The following NDC80 variants were observed in gnomAD, a reference collection of about 807,000 sequenced individuals.
The protein encoded by NDC80 is NDC80 kinetochore complex component, also known as kinetochore protein NDC80 homolog.
NDC80 carries 69 observed loss-of-function variants against 89.3 expected under a neutral mutation model. The observed-to-expected ratio is 0.77, with a 90% confidence interval of 0.64 to 0.94. The LOEUF (loss-of-function observed/expected upper bound fraction) is 0.94. Among genes scored for constraint, NDC80 ranks in the 40% least tolerant of loss-of-function variants. The probability of loss-of-function intolerance (pLI) is 0.00; values close to 1 mark genes in which losing one functional copy is unlikely to be tolerated. For synonymous variants in NDC80, 243 were observed against 255.6 expected (o/e 0.95, Z 0.47); for missense variants, 593 against 739.6 (o/e 0.80, Z 2.30).
intron 15 of NDC80, among the ~76,000 whole-genome samples, chr18:2,609,228 G>C (rs995530786): frequency 6.6e-6 from 1 of 151,978 alleles, no homozygotes; most frequent in African/African-American, 2.4e-5. Context: ...ATATTATATA[G>C]TAAAATGTAA....
intron 6 of NDC80, among the ~76,000 whole-genome samples, chr18:2,580,812 G>A (rs1465043191): frequency 1.5e-5 from 2 of 130,608 alleles, no homozygotes; most frequent in Non-Finnish European, 3.1e-5. Flanking sequence ...CACAATCTCG[G>A]CTCACTGCAA....
At chr18:2,611,147 C>A (rs1332015396) in intron 16 of NDC80, among the ~76,000 whole-genome samples, 2 of 147,272 alleles carry the variant, frequency 1.4e-5, no homozygotes, top group African/African-American at 5.0e-5. Flanking sequence ...CTCCCAGGTT[C>A]AAATGATTCT....
chr18:2,579,337 C>T (rs1369485603), intron 6 of NDC80: 2 of 244,326 alleles, frequency 8.2e-6, no homozygotes, highest in African/African-American at 2.2e-5. Context: ...AATCCATATT[C>T]ACTGCAAGAA....
intron 10 of NDC80, among the ~76,000 whole-genome samples, 187 bp from the exon 11 acceptor site, chr18:2,595,229 T>TTATGTATATA (rs142641390): frequency 6.8e-6 from 1 of 146,600 alleles, no homozygotes; most frequent in East Asian, 2.0e-4. Context: ...ACTTTGAAAT[T>TTATGTATATA]TATATATATA....
At chr18:2,608,921 T>A in intron 15 of NDC80, 91 bp downstream of exon 15, 1 of 1,376,116 alleles carries the variant, frequency 7.3e-7, no homozygotes, top group Non-Finnish European at 9.9e-7. Flanking sequence ...TTTGCTTTAA[T>A]TTATAGTATA....
At chr18:2,592,646 A>C (rs1188719690) in intron 10 of NDC80, among the ~76,000 whole-genome samples, 22 of 152,096 alleles carry the variant, frequency 1.4e-4, no homozygotes, top group Non-Finnish European at 2.8e-4. Context: ...GGCATGAGCC[A>C]CCACACCCAG....
chr18:2,612,630 A>C (rs2072751664), intron 16 of NDC80, among the ~76,000 whole-genome samples: 1 of 152,064 alleles, frequency 6.6e-6, no homozygotes, highest in African/African-American at 2.4e-5. Context: ...GTCCTTTGTT[A>C]ATTCAGTAGT....
chr18:2,579,559 C>G (rs923297653), intron 6 of NDC80, among the ~76,000 whole-genome samples: 2 of 152,136 alleles, frequency 1.3e-5, no homozygotes, highest in Non-Finnish European at 2.9e-5. Flanking sequence ...TCCTGAGTAG[C>G]TGGGATTACA....
At chr18:2,575,093 T>C (rs368352960) in intron 3 of NDC80, 27 bp downstream of exon 3, 10 of 1,509,548 alleles carry the variant, frequency 6.6e-6, no homozygotes, top group Non-Finnish European at 9.2e-6. Context: ...TTAGCTCTAA[T>C]AAAGGGATTC....
At chr18:2,604,595 T>A (rs144518824) in intron 13 of NDC80, among the ~76,000 whole-genome samples, 1 of 152,286 alleles carries the variant, frequency 6.6e-6, no homozygotes, top group East Asian at 1.9e-4. Context: ...GGTGGGAGAT[T>A]GCTTGAGCCC....
chr18:2,609,971 A>G, intron 15 of NDC80, among the ~76,000 whole-genome samples: 1 of 152,202 alleles, frequency 6.6e-6, no homozygotes, highest in East Asian at 1.9e-4. Context: ...CTGCCTATAT[A>G]TTTTGTTGTA....
In NDC80 at chr18:2,614,641, GA is replaced by G. The variant is rs199689685; in HGVS notation, c.1792-1793del. Among the ~76,000 whole-genome samples, 107 of 77,530 alleles carry G rather than the reference GA, an allele frequency of 1.4e-3. 16 individuals are homozygous for G. Among genetic ancestry groups the G allele is most frequent in the South Asian group, 3.1e-3 (8 of 2,602 alleles). 50.9% of individuals were successfully genotyped at this position (77,530 alleles called of 152,430 possible). A position where few individuals can be genotyped will look rare whatever the true frequency, so the allele number is the denominator to read the frequency against. ...AGAAAGAAAGAAAGAAAGAAAGAAA[GA>G]AAGAAAGAAAGAAATAAATTTGGCA... On this transcript the variant is annotated intron_variant, in intron 16 of 16. Transcript: ENST00000261597.
At chr18:2,588,351 C>T (rs1372035755) in intron 8 of NDC80, among the ~76,000 whole-genome samples, 1 of 151,896 alleles carries the variant, frequency 6.6e-6, no homozygotes, top group African/African-American at 2.4e-5. Flanking sequence ...CCTAAGGTCT[C>T]TTTCAAAATT....
chr18:2,606,793 T>C (rs2072714231), intron 14 of NDC80, among the ~76,000 whole-genome samples: 1 of 152,134 alleles, frequency 6.6e-6, no homozygotes, highest in Admixed American at 6.5e-5. Context: ...CTTGCAAAAC[T>C]AAACAGAATC....
chr18:2,578,581 G>A (rs1426312486), intron 5 of NDC80, among the ~76,000 whole-genome samples: 2 of 152,214 alleles, frequency 1.3e-5, no homozygotes, highest in African/African-American at 4.8e-5. Context: ...AAAACAGAGT[G>A]TGATGAAATT....
intron 13 of NDC80, among the ~76,000 whole-genome samples, chr18:2,603,245 C>T (rs1001939211): frequency 4.0e-5 from 6 of 151,328 alleles, no homozygotes; most frequent in Non-Finnish European, 7.4e-5. Flanking sequence ...GGATTGAATC[C>T]TAAAGAGTAA....
At chr18:2,584,025 G>A (rs2072591489) in intron 6 of NDC80, among the ~76,000 whole-genome samples, 1 of 151,986 alleles carries the variant, frequency 6.6e-6, no homozygotes. Flanking sequence ...GGCTCATGAT[G>A]CCTGTTATTC....
chr18:2,576,991 T>G (rs956407677), intron 3 of NDC80, among the ~76,000 whole-genome samples: 5 of 152,224 alleles, frequency 3.3e-5, no homozygotes, highest in African/African-American at 1.2e-4. Flanking sequence ...TTCATTGGTT[T>G]AAACTTCCAT....
At chr18:2,609,848 T>G (rs137976623) in intron 15 of NDC80, among the ~76,000 whole-genome samples, 61 of 152,336 alleles carry the variant, frequency 4.0e-4, no homozygotes, top group African/African-American at 1.4e-3. Flanking sequence ...GCATCTGGAT[T>G]CAGCTGGGTG....
Sources: allele counts gnomAD v4.1 joint callset (sites outside exome capture counted in the v4.1 genomes callset), GRCh38; gene constraint gnomAD v4.1.1; transcripts MANE v1.5; gene names NCBI Gene and HGNC (gene_info 2026-07-23, HGNC 2026-07-21).